HHAT: variants seen among roughly 807,000 people sequenced by gnomAD.
HHAT encodes the protein hedgehog acyltransferase.
Under a neutral mutation model 70.8 loss-of-function variants are expected in HHAT, and 47 were observed. The ratio of observed to expected loss-of-function variants is 0.66; its 90% CI spans 0.53 to 0.85. The LOEUF (loss-of-function observed/expected upper bound fraction) is 0.85. Among genes scored for constraint, HHAT ranks in the 40% least tolerant of loss-of-function variants. The probability of loss-of-function intolerance (pLI) is 0.00; values close to 1 mark genes in which losing one functional copy is unlikely to be tolerated. For missense variants in HHAT, 609 were observed against 604.8 expected (o/e 1.01, Z -0.07); for synonymous variants, 228 against 247.6 (o/e 0.92, Z 0.74).
intron 4 of HHAT, among the ~76,000 whole-genome samples, chr1:210,397,556 A>AT (rs5780574): frequency 0.14 from 21,593 of 149,270 alleles, 1,677 homozygotes; most frequent in East Asian, 0.3. Flanking sequence ...ATGCAACACA[A>AT]TTTTTTTTTT....
chr1:210,615,905 G>A (rs1667621149), intron 10 of HHAT, among the ~76,000 whole-genome samples: 1 of 152,202 alleles, frequency 6.6e-6, no homozygotes, highest in Non-Finnish European at 1.5e-5. Context: ...TGAGGAGGCA[G>A]TCTGTCTGTT....
At chr1:210,581,609 A>C (rs1332880524) in intron 9 of HHAT, among the ~76,000 whole-genome samples, 1 of 152,230 alleles carries the variant, frequency 6.6e-6, no homozygotes, top group African/African-American at 2.4e-5. Flanking sequence ...TAAATCTCTT[A>C]GGGTTGGAGT....
At chr1:210,383,173 C>A (rs2090781327) in intron 3 of HHAT, among the ~76,000 whole-genome samples, 1 of 152,132 alleles carries the variant, frequency 6.6e-6, no homozygotes, top group African/African-American at 2.4e-5. Context: ...AACCCCGTAT[C>A]TACTAAAACT....
chr1:210,329,035 G>A lies in HHAT; in HGVS notation c.-113G>A. On this transcript the variant is annotated 5_prime_UTR_variant, in exon 1 of 12. Transcript: ENST00000261458. ...GATGTCGCTGGGACTCGGAAGTGCC[G>A]AAAGAGGGGTGTTGGGAACTCGCGG... The A allele has an allele frequency of 7.0e-7, 1 of 1,425,852 alleles. No homozygotes were observed. The highest frequency in any genetic ancestry group is 9.2e-7 in the Non-Finnish European group (1 of 1,091,462). 88.3% of individuals were successfully genotyped at this position (1,425,852 alleles called of 1,614,324 possible).
chr1:210,469,928 A>G (rs538618004), intron 8 of HHAT, among the ~76,000 whole-genome samples: 1 of 152,228 alleles, frequency 6.6e-6, no homozygotes, highest in East Asian at 1.9e-4. Flanking sequence ...GCAACTATCA[A>G]CCCGACTTCT....
chr1:210,407,505 A>G (rs972108725), intron 6 of HHAT, among the ~76,000 whole-genome samples: 2 of 152,260 alleles, frequency 1.3e-5, no homozygotes, highest in Admixed American at 6.5e-5. Flanking sequence ...TTTTAGGCAT[A>G]CACCTGGAGA....
At chr1:210,601,524 G>A (rs746971519) in intron 10 of HHAT, among the ~76,000 whole-genome samples, 2 of 151,916 alleles carry the variant, frequency 1.3e-5, no homozygotes, top group Non-Finnish European at 2.9e-5. Context: ...ACCCTTTCTC[G>A]ACAGAGCCCA....
intron 3 of HHAT, among the ~76,000 whole-genome samples, chr1:210,373,930 G>A (rs2089829753): frequency 6.6e-6 from 1 of 152,192 alleles, no homozygotes; most frequent in Non-Finnish European, 1.5e-5. Context: ...GCCAGTCTGT[G>A]TCTCCAATGT....
intron 10 of HHAT, among the ~76,000 whole-genome samples, chr1:210,618,398 C>T (rs995916056): frequency 2.0e-5 from 3 of 152,206 alleles, no homozygotes; most frequent in Admixed American, 6.5e-5. Context: ...CTCTTACCCT[C>T]TGGTTAGCAT....
In HHAT at chr1:210,329,077, C is replaced by A. The variant is rs2084750523; in HGVS notation, c.-71C>A. On this transcript the variant is annotated 5_prime_UTR_variant, in exon 1 of 12. Transcript: ENST00000261458. Reference sequence around the variant, plus strand: ...AACTCGCGGCGCGCGTGAACGTTGCCGTCGCCGCCGCCCGGGACAGCCCGG... The same window carrying A: ...AACTCGCGGCGCGCGTGAACGTTGCAGTCGCCGCCGCCCGGGACAGCCCGG... 1 of 1,425,426 alleles carries A rather than the reference C, an allele frequency of 7.0e-7. No individual in the cohort carries two copies. 88.3% of individuals were successfully genotyped at this position (1,425,426 alleles called of 1,614,324 possible). A position where few individuals can be genotyped will look rare whatever the true frequency, so the allele number is the denominator to read the frequency against.
chr1:210,592,545 A>ATT (rs111899012), intron 10 of HHAT, among the ~76,000 whole-genome samples: 1 of 150,924 alleles, frequency 6.6e-6, no homozygotes, highest in African/African-American at 2.4e-5. Flanking sequence ...AAGTTTTAGG[A>ATT]TTTTTTTTTT....
chr1:210,513,164 T>C lies in HHAT; in HGVS notation c.1019T>C (p.Val340Ala), dbSNP rs1236766012. Residue 340 changes from valine (V) to alanine (A), a missense_variant, in exon 9 of 12, where the codon GTT (valine) becomes GCT (alanine). By Grantham distance (64) the Val-to-Ala change is moderately conservative. Transcript: ENST00000261458. Reference protein sequence around the residue: ...SFTGMWRYFDVGLHNFLIRYV... With the variant: ...SFTGMWRYFDAGLHNFLIRYV... ...TCTCTTTTGAACAGGTATTTTGATG[T>C]TGGACTGCATAATTTCTTAATCAGG... 3 of 1,531,788 alleles carry C rather than the reference T, an allele frequency of 2.0e-6. No homozygotes were observed. The highest frequency in any genetic ancestry group is 1.8e-6 in the Non-Finnish European group (2 of 1,109,518). The allele number at this position is 1,531,788 out of a possible 1,614,324, so 94.9% of individuals were successfully genotyped here.
chr1:210,354,910 AAATT>A (rs2087450334), intron 2 of HHAT, among the ~76,000 whole-genome samples: 2 of 152,186 alleles, frequency 1.3e-5, no homozygotes, highest in Admixed American at 1.3e-4. Flanking sequence ...ATAAACTTAT[AAATT>A]AATTTGTAAA....
intron 9 of HHAT, among the ~76,000 whole-genome samples, chr1:210,573,799 A>G (rs1453663421): frequency 1.3e-5 from 2 of 152,196 alleles, no homozygotes; most frequent in Non-Finnish European, 2.9e-5. Context: ...TTAGAGGAGA[A>G]CACAGTGGCA....
At chr1:210,572,713 G>A (rs1470430226) in intron 9 of HHAT, among the ~76,000 whole-genome samples, 2 of 152,020 alleles carry the variant, frequency 1.3e-5, no homozygotes, top group Non-Finnish European at 2.9e-5. Context: ...GGGCAACATA[G>A]TGAGACCTGG....
At chr1:210,373,693 C>T (rs2089786859) in intron 3 of HHAT, among the ~76,000 whole-genome samples, 1 of 152,170 alleles carries the variant, frequency 6.6e-6, no homozygotes, top group Non-Finnish European at 1.5e-5. Flanking sequence ...GCAGTGGAAA[C>T]CAGTTTACAC....
At chr1:210,476,589 G>A (rs2148474342) in intron 8 of HHAT, among the ~76,000 whole-genome samples, 1 of 152,264 alleles carries the variant, frequency 6.6e-6, no homozygotes, top group South Asian at 2.1e-4. Flanking sequence ...TGGCTTTTTA[G>A]TACCATAGGG....
At chr1:210,528,949 G>T (rs1209579425) in intron 9 of HHAT, among the ~76,000 whole-genome samples, 1 of 152,092 alleles carries the variant, frequency 6.6e-6, no homozygotes, top group African/African-American at 2.4e-5. Context: ...TGGAACCTTG[G>T]GGATAGTTTC....
chr1:210,640,929 T>G (rs572187323), intron 11 of HHAT, among the ~76,000 whole-genome samples: 2 of 152,358 alleles, frequency 1.3e-5, no homozygotes, highest in Admixed American at 1.3e-4. Context: ...AGGTAGTAAA[T>G]GGCAGAGCTG....
Sources: gnomAD v4.1 joint callset for allele counts (sites outside exome capture counted in the v4.1 genomes callset) on GRCh38, gnomAD v4.1.1 for gene constraint, MANE v1.5 for transcripts, NCBI Gene and HGNC (gene_info 2026-07-23, HGNC 2026-07-21) for gene names.